Variants in LINGO1 observed in about 807,000 individuals in gnomAD.
LINGO1 encodes leucine-rich repeat and immunoglobulin-like domain-containing nogo receptor-interacting protein 1.
Under a neutral mutation model 37.3 loss-of-function variants are expected in LINGO1, and 11 were observed. The observed-to-expected ratio is 0.29, with a 90% CI of 0.19 to 0.49. The LOEUF is 0.49. LINGO1 is among the 20% of genes least tolerant of loss of function. The pLI, the probability that LINGO1 is intolerant of heterozygous loss-of-function variation, is 0.99. For missense variants in LINGO1, 585 were observed against 878.2 expected, an observed-to-expected ratio of 0.67 and a Z score of 4.22; for synonymous variants, 387 against 403.0, an observed-to-expected ratio of 0.96 and a Z score of 0.48.
At chr15:77,816,198 G>A (rs1171312620) in intron 1 of LINGO1, among the ~76,000 whole-genome samples, 1 of 152,202 alleles carries the variant, frequency 6.6e-6, no homozygotes, top group Non-Finnish European at 1.5e-5. Flanking sequence ...GTCCAAATCT[G>A]TTTCCCCTTT....
In LINGO1 at chr15:77,704,362, C is replaced by T. The variant is rs561226429; in HGVS notation, c.-194-13461G>A. On this transcript the variant is annotated intron_variant, in intron 2 of 3. Transcript: ENST00000561686. ...CCAACCATGGCCACACATTAAGCCCCGACGCTGGTCACATACTGAACCCCG... is the reference window on the plus strand; with the variant it reads ...CCAACCATGGCCACACATTAAGCCCTGACGCTGGTCACATACTGAACCCCG... Among the ~76,000 whole-genome samples, 425 of 151,596 alleles carry T rather than the reference C, an allele frequency of 2.8e-3. 5 individuals are homozygous for T. The highest frequency in any genetic ancestry group is 0.01 in the African/African-American group (411 of 40,866).
intron 2 of LINGO1, among the ~76,000 whole-genome samples, chr15:77,730,663 C>T (rs2076145646): frequency 6.6e-6 from 1 of 152,234 alleles, no homozygotes; most frequent in African/African-American, 2.4e-5. Flanking sequence ...AGGCAGAGGG[C>T]ATCAGTAGAC....
intron 3 of LINGO1, among the ~76,000 whole-genome samples, chr15:77,643,322 G>A (rs902347263): frequency 2.0e-5 from 3 of 152,200 alleles, no homozygotes; most frequent in African/African-American, 7.2e-5. Context: ...GGGAGACCCA[G>A]GGCCCTGGGG....
chr15:77,666,490 C>A (rs886247756), intron 3 of LINGO1, among the ~76,000 whole-genome samples: 1 of 152,168 alleles, frequency 6.6e-6, no homozygotes, highest in African/African-American at 2.4e-5. Flanking sequence ...TGGGGATTAG[C>A]CTCTGCCTGC....
At chr15:77,754,687 GC>G (rs1219240755) in intron 1 of LINGO1, among the ~76,000 whole-genome samples, 1 of 152,216 alleles carries the variant, frequency 6.6e-6, no homozygotes, top group African/African-American at 2.4e-5. Flanking sequence ...CTGCAGAGTG[GC>G]CCCTCCAGCC....
chr15:77,760,592 G>A (rs1026315859), intron 1 of LINGO1, among the ~76,000 whole-genome samples: 1 of 152,192 alleles, frequency 6.6e-6, no homozygotes, highest in Non-Finnish European at 1.5e-5. Context: ...AGTTATCCAC[G>A]GTCCTTATCA....
intron 2 of LINGO1, among the ~76,000 whole-genome samples, chr15:77,723,148 C>A (rs2076067749): frequency 6.6e-6 from 1 of 151,888 alleles, no homozygotes. Flanking sequence ...CCATCCCACC[C>A]CGCCCCCACC....
chr15:77,749,235 A>G (rs1286231619), intron 1 of LINGO1, among the ~76,000 whole-genome samples: 1 of 151,954 alleles, frequency 6.6e-6, no homozygotes, highest in Non-Finnish European at 1.5e-5. Context: ...TGGGGTCCCT[A>G]GAGAGAGGTC....
intron 1 of LINGO1, among the ~76,000 whole-genome samples, chr15:77,816,872 T>TTGC (rs1177632952): frequency 5.3e-5 from 8 of 152,126 alleles, no homozygotes; most frequent in Non-Finnish European, 2.9e-5. Flanking sequence ...GCTAGGCGTC[T>TTGC]TGCCATGCTC....
chr15:77,654,899 C>G (rs777424822), intron 3 of LINGO1, among the ~76,000 whole-genome samples: 1 of 152,200 alleles, frequency 6.6e-6, no homozygotes, highest in Non-Finnish European at 1.5e-5. Context: ...GAGGCACCAG[C>G]CAGAGCTGAG....
intron 2 of LINGO1, among the ~76,000 whole-genome samples, chr15:77,725,775 T>C (rs1008419664): frequency 6.6e-6 from 1 of 152,142 alleles, no homozygotes; most frequent in Non-Finnish European, 1.5e-5. Context: ...GCCTGGAAGG[T>C]GGACTCCTGT....
chr15:77,815,263 C>T (rs976935419), intron 1 of LINGO1, among the ~76,000 whole-genome samples: 7 of 152,196 alleles, frequency 4.6e-5, no homozygotes, highest in Non-Finnish European at 1.0e-4. Flanking sequence ...TAAGGACGTC[C>T]TCTGCAGAGG....
intron 1 of LINGO1, among the ~76,000 whole-genome samples, chr15:77,760,040 C>A (rs2076459043): frequency 6.6e-6 from 1 of 152,212 alleles, no homozygotes; most frequent in Admixed American, 6.5e-5. Context: ...CACAGTGGGC[C>A]TGGGTGACGA....
intron 1 of LINGO1, among the ~76,000 whole-genome samples, chr15:77,812,227 T>C (rs1294441222): frequency 6.6e-6 from 1 of 152,242 alleles, no homozygotes; most frequent in Non-Finnish European, 1.5e-5. Context: ...AGGCTCCCCA[T>C]GCCCTCTGCA....
intron 1 of LINGO1, among the ~76,000 whole-genome samples, chr15:77,800,686 T>C (rs531331306): frequency 6.6e-6 from 1 of 152,252 alleles, no homozygotes; most frequent in African/African-American, 2.4e-5. Context: ...CCAGAAGCCA[T>C]AAAGTGAAAA....
At chr15:77,737,134 C>T (rs972652196) in intron 1 of LINGO1, among the ~76,000 whole-genome samples, 2 of 152,190 alleles carry the variant, frequency 1.3e-5, no homozygotes, top group East Asian at 3.8e-4. Flanking sequence ...AAGGGTAGAT[C>T]AAAGGGTATC....
chr15:77,674,845 C>T (rs180760299), intron 3 of LINGO1, among the ~76,000 whole-genome samples: 139 of 152,032 alleles, frequency 9.1e-4, no homozygotes, highest in African/African-American at 3.3e-3. Context: ...TCTCCTCCAT[C>T]ACAGCTTACA....
intron 2 of LINGO1, among the ~76,000 whole-genome samples, chr15:77,721,333 C>A (rs751231655): frequency 2.6e-5 from 4 of 152,134 alleles, no homozygotes; most frequent in Admixed American, 6.5e-5. Flanking sequence ...CCTTTGCCTG[C>A]TGCCCCTCTT....
chr15:77,662,237 C>G (rs1422962322), intron 3 of LINGO1, among the ~76,000 whole-genome samples: 1 of 152,126 alleles, frequency 6.6e-6, no homozygotes, highest in African/African-American at 2.4e-5. Context: ...AGGCGTGGTA[C>G]TGGTAGCTCC....
Sources: allele counts gnomAD v4.1 joint callset (sites outside exome capture counted in the v4.1 genomes callset), GRCh38; gene constraint gnomAD v4.1.1; transcripts MANE v1.5; gene names NCBI Gene and HGNC (gene_info 2026-07-23, HGNC 2026-07-21).